The following KCNC2 variants were observed in gnomAD, a reference collection of about 807,000 sequenced individuals.
KCNC2 encodes potassium voltage-gated channel subfamily C member 2.
Under a neutral mutation model 44.5 loss-of-function variants are expected in KCNC2, and 21 were observed. The ratio of observed to expected loss-of-function variants is 0.47; its 90% confidence interval spans 0.33 to 0.68. The LOEUF is 0.68. KCNC2 is among the 30% of genes least tolerant of loss of function. The pLI, the probability that KCNC2 is intolerant of heterozygous loss-of-function variation, is 0.01. For missense variants in KCNC2, 589 were observed against 826.2 expected, an observed-to-expected ratio of 0.71 and a Z score of 3.52; for synonymous variants, 391 against 339.1, an observed-to-expected ratio of 1.15 and a Z score of -1.68.
chr12:75,146,750 C>G (rs559924358), intron 2 of KCNC2, among the ~76,000 whole-genome samples: 15 of 152,260 alleles, frequency 9.9e-5, no homozygotes, highest in South Asian at 2.1e-4. Context: ...TTAACTTCCA[C>G]CAGCAGTATA....
At chr12:75,064,485 C>A (rs1303794691) in intron 2 of KCNC2, among the ~76,000 whole-genome samples, 1 of 151,982 alleles carries the variant, frequency 6.6e-6, no homozygotes, top group Non-Finnish European at 1.5e-5. Flanking sequence ...TTCTGTTGAT[C>A]AGCAAGTATA....
chr12:75,049,336 A>T (rs1185679684), intron 3 of KCNC2, among the ~76,000 whole-genome samples: 1 of 152,134 alleles, frequency 6.6e-6, no homozygotes, highest in African/African-American at 2.4e-5. Context: ...ATGCAAAATC[A>T]TTCACATAAA....
chr12:75,144,621 TGTG>T (rs1409661458), intron 2 of KCNC2, among the ~76,000 whole-genome samples: 11 of 67,248 alleles, frequency 1.6e-4, no homozygotes, highest in Non-Finnish European at 1.4e-4. Flanking sequence ...GGTGTACTTT[TGTG>T]TGTGTGTGTG....
At chr12:75,174,278 G>A (rs1892032375) in intron 2 of KCNC2, among the ~76,000 whole-genome samples, 1 of 150,920 alleles carries the variant, frequency 6.6e-6, no homozygotes, top group East Asian at 2.0e-4. Flanking sequence ...TGAACATTCT[G>A]GATCATTAAT....
intron 2 of KCNC2, among the ~76,000 whole-genome samples, chr12:75,089,092 T>C (rs1885264514): frequency 6.6e-6 from 1 of 151,924 alleles, no homozygotes; most frequent in Non-Finnish European, 1.5e-5. Context: ...GCATCACAAA[T>C]TAAGAATAAA....
intron 2 of KCNC2, among the ~76,000 whole-genome samples, chr12:75,082,518 C>A (rs1009483763): frequency 2.8e-5 from 2 of 71,402 alleles, no homozygotes; most frequent in Non-Finnish European, 5.4e-5. Context: ...AAGTCACCCA[C>A]GAGATTTTTT....
In KCNC2 at chr12:75,042,000, T is replaced by C. The variant is rs951001290; in HGVS notation, c.*1105A>G. On this transcript the variant is annotated 3_prime_UTR_variant, in exon 5 of 5. Transcript: ENST00000549446. The stretch of plus-strand genomic sequence containing the variant: ...AGAACAACATACAGGACAAAGCACC[T>C]GATTAAACACTGCCTGAAAATCTGA... The C allele has an allele frequency of 3.7e-6, 4 of 1,073,552 alleles. No homozygotes were observed. In the African/African-American group the frequency reaches 6.7e-5, roughly 18 times the overall value. The allele number at this position is 1,073,552 out of a possible 1,614,324, so 66.5% of individuals were successfully genotyped here. A position where few individuals can be genotyped will look rare whatever the true frequency, so the allele number is the denominator to read the frequency against.
chr12:75,041,721 A>C lies in KCNC2; in HGVS notation c.*1384T>G, dbSNP rs1879925462. On this transcript the variant is annotated 3_prime_UTR_variant, in exon 5 of 5. Coordinates refer to ENST00000549446, the MANE Select transcript of KCNC2 (RefSeq NM_139137.4). ...GTAGAAACTGACACTGCAGCAGGCA[A>C]CCAAGTGCAATGGTGAAATTGCTGC... 7 of 992,874 alleles carry C rather than the reference A, an allele frequency of 7.1e-6. No individual in the cohort carries two copies. The highest frequency in any genetic ancestry group is 4.8e-6 in the Non-Finnish European group (4 of 834,230). 61.5% of individuals were successfully genotyped at this position (992,874 alleles called of 1,614,324 possible).
At chr12:75,186,493 G>A (rs551408174) in intron 2 of KCNC2, among the ~76,000 whole-genome samples, 4 of 151,526 alleles carry the variant, frequency 2.6e-5, no homozygotes, top group African/African-American at 4.9e-5. Context: ...TATAGTTTAC[G>A]TACAACCCAT....
At chr12:75,208,915 T>TC (rs1381044876) in intron 1 of KCNC2, among the ~76,000 whole-genome samples, 1 of 151,854 alleles carries the variant, frequency 6.6e-6, no homozygotes, top group Non-Finnish European at 1.5e-5. Flanking sequence ...ATCCCACCCA[T>TC]CCCCCTTCCC....
At chr12:75,139,238 A>G (rs1889468620) in intron 2 of KCNC2, among the ~76,000 whole-genome samples, 2 of 152,124 alleles carry the variant, frequency 1.3e-5, no homozygotes, top group South Asian at 4.1e-4. Flanking sequence ...TTTGCTGCAC[A>G]AAAAAAGCAG....
chr12:75,200,568 G>A (rs1426140900), intron 2 of KCNC2, among the ~76,000 whole-genome samples: 1 of 151,490 alleles, frequency 6.6e-6, no homozygotes, highest in Non-Finnish European at 1.5e-5. Context: ...GTATGTGTCT[G>A]TATTACAACA....
chr12:75,207,175 T>C lies in KCNC2; in HGVS notation c.687+122A>G. On this transcript the variant is annotated intron_variant, in intron 2 of 4. Transcript: ENST00000549446. This position sits in a 1 kb window ranked among gnomAD's most constrained non-coding sequence, Gnocchi z 4.1. ...AAGGATGAGCCTCTAACTGTATCGC[T>C]AGGAAATCCCGGGTCTCTTCTACCC... The C allele has an allele frequency of 2.1e-6, 3 of 1,444,514 alleles. No individual in the cohort carries two copies. Among genetic ancestry groups the C allele is most frequent in the South Asian group, 1.5e-5 (1 of 66,232 alleles). 89.5% of individuals were successfully genotyped at this position (1,444,514 alleles called of 1,614,324 possible). A position where few individuals can be genotyped will look rare whatever the true frequency, so the allele number is the denominator to read the frequency against.
At chr12:75,193,901 C>A (rs561311381) in intron 2 of KCNC2, among the ~76,000 whole-genome samples, 1 of 151,676 alleles carries the variant, frequency 6.6e-6, no homozygotes, top group Non-Finnish European at 1.5e-5. Flanking sequence ...ACAACCAAGA[C>A]GAGCAAATGA....
chr12:75,123,055 T>C (rs577834897), intron 2 of KCNC2, among the ~76,000 whole-genome samples: 86 of 152,116 alleles, frequency 5.7e-4, no homozygotes, highest in African/African-American at 2.0e-3. Context: ...AAAAAGTAAG[T>C]ACAAATTTTA....
At chr12:75,070,746 T>G (rs6582275) in intron 2 of KCNC2, among the ~76,000 whole-genome samples, 1 of 151,806 alleles carries the variant, frequency 6.6e-6, no homozygotes, top group East Asian at 1.9e-4. Context: ...ATCTTTTTAG[T>G]TTAGAGACAC....
In KCNC2 at chr12:75,141,516, A is replaced by G. The variant is rs79582215; in HGVS notation, c.687+65781T>C. 7.7e-3 allele frequency among the ~76,000 whole-genome samples: 1,180 copies of G among 152,280 alleles called. 11 individuals carry two copies. The highest frequency in any genetic ancestry group is 0.026 in the African/African-American group (1,101 of 41,550). On this transcript the variant is annotated intron_variant, in intron 2 of 4. Transcript: ENST00000549446. ...TAACAGAAACACATTTCTGACTAAT[A>G]TGTAGCTCTCTAACCCACACTGACT...
At chr12:75,170,610 T>C (rs35181822) in intron 2 of KCNC2, among the ~76,000 whole-genome samples, 3 of 151,948 alleles carry the variant, frequency 2.0e-5, no homozygotes, top group East Asian at 3.9e-4. Context: ...TTCTCCAATG[T>C]TGTCATTACT....
chr12:75,043,488 T>G (rs1176390564), intron 4 of KCNC2: 21 of 1,286,800 alleles, frequency 1.6e-5, no homozygotes, highest in East Asian at 2.8e-5. Flanking sequence ...TTTTCCCAGA[T>G]TATAGTTAGC....
Sources: gnomAD v4.1 joint callset for allele counts (sites outside exome capture counted in the v4.1 genomes callset) on GRCh38, gnomAD v4.1.1 for gene constraint, Gnocchi (gnomAD v3.1) non-coding constraint, MANE v1.5 for transcripts, NCBI Gene and HGNC (gene_info 2026-07-23, HGNC 2026-07-21) for gene names.